The following DAPP1 variants were observed in gnomAD, a reference collection of about 807,000 sequenced individuals.
DAPP1 encodes the protein dual adapter for phosphotyrosine and 3-phosphotyrosine and 3-phosphoinositide.
DAPP1 carries 20 observed loss-of-function variants against 41.5 expected under a neutral mutation model. That is an observed-to-expected ratio of 0.48 (90% CI 0.34 to 0.70). The LOEUF (loss-of-function observed/expected upper bound fraction) is 0.70. Ranked by LOEUF, DAPP1 falls within the 30% of genes least tolerant of loss-of-function variation. DAPP1 has a pLI of 0.01. For missense variants in DAPP1, 233 were observed against 333.4 expected, an observed-to-expected ratio of 0.70 and a Z score of 2.35; for synonymous variants, 113 against 116.2, an observed-to-expected ratio of 0.97 and a Z score of 0.18.
At chr4:99,822,573 A>C (rs1455165777) in intron 1 of DAPP1, among the ~76,000 whole-genome samples, 8 of 152,178 alleles carry the variant, frequency 5.3e-5, no homozygotes, top group Non-Finnish European at 1.2e-4. Flanking sequence ...GATGGTAGCA[A>C]AATATGCAAG....
chr4:99,818,009 G>A (rs1272186041), intron 1 of DAPP1, among the ~76,000 whole-genome samples: 4 of 152,186 alleles, frequency 2.6e-5, no homozygotes, highest in East Asian at 1.9e-4. Flanking sequence ...GGCTATGTCC[G>A]AAACCAAAGA....
intron 7 of DAPP1, chr4:99,864,432 T>C (rs1021031687): frequency 6.6e-6 from 1 of 152,196 alleles, no homozygotes; most frequent in African/African-American, 2.4e-5. Flanking sequence ...TTTTTTTTTT[T>C]CCTGAACCAA....
chr4:99,857,698 A>G (rs1282531402), intron 4 of DAPP1, among the ~76,000 whole-genome samples: 1 of 134,790 alleles, frequency 7.4e-6, no homozygotes, highest in Non-Finnish European at 1.6e-5. Context: ...ATATGTATGT[A>G]TATACACACA....
chr4:99,834,888 T>A (rs1394977427), intron 1 of DAPP1, among the ~76,000 whole-genome samples: 1 of 152,164 alleles, frequency 6.6e-6, no homozygotes, highest in African/African-American at 2.4e-5. Flanking sequence ...GGCCTCTTCC[T>A]GTGGCTTGGA....
chr4:99,820,920 A>C (rs988916824), intron 1 of DAPP1, among the ~76,000 whole-genome samples: 1 of 152,236 alleles, frequency 6.6e-6, no homozygotes, highest in African/African-American at 2.4e-5. Flanking sequence ...CTCCCAGTCC[A>C]TACTAAAACA....
At chr4:99,860,359 A>C (rs1016448975) in intron 4 of DAPP1, among the ~76,000 whole-genome samples, 6 of 152,218 alleles carry the variant, frequency 3.9e-5, no homozygotes, top group Non-Finnish European at 5.9e-5. Context: ...ATTTACTCCT[A>C]GTTATTTTGC....
intron 4 of DAPP1, among the ~76,000 whole-genome samples, chr4:99,854,693 G>A (rs1032882063): frequency 4.6e-5 from 7 of 152,040 alleles, no homozygotes; most frequent in Non-Finnish European, 8.8e-5. Flanking sequence ...CTGAAATGCT[G>A]CCAACACCAT....
At chr4:99,870,861 A>G (rs1052760123), downstream of DAPP1, among the ~76,000 whole-genome samples, 1 of 152,176 alleles carries the variant, frequency 6.6e-6, no homozygotes, top group Non-Finnish European at 1.5e-5. Flanking sequence ...ATGGTTCCTG[A>G]CTTACAATGA....
At chr4:99,853,910 C>T (rs933302229) in intron 4 of DAPP1, among the ~76,000 whole-genome samples, 1 of 152,212 alleles carries the variant, frequency 6.6e-6, no homozygotes, top group Admixed American at 6.5e-5. Flanking sequence ...AACCAAACAA[C>T]TTCAAAGTAG....
intron 1 of DAPP1, 52 bp downstream of exon 1, chr4:99,817,066 G>A (rs72911129): frequency 8.9e-6 from 12 of 1,352,336 alleles, no homozygotes; most frequent in East Asian, 2.5e-5. Context: ...CATTGACTCC[G>A]CACTCCCACC....
Position 99,868,146 on chromosome 4 carries a change from G to T in DAPP1, c.804G>T (p.Gly268=). The part of the protein sequence containing the change: ...LSQIRKQLNQ[G]EGTIRSRSFI... The stretch of plus-strand genomic sequence containing the variant: ...AAATAAGAAAACAGCTCAACCAAGG[G>T]GAAGGCACGATCCGATCTCGGTCGT... Residue 268 remains glycine, a synonymous_variant, in exon 9 of 9, where the codon GGG becomes GGT. Coordinates refer to ENST00000512369, the MANE Select transcript of DAPP1 (RefSeq NM_014395.3). 6.2e-7 allele frequency: 1 copy of T among 1,613,854 alleles called. No homozygotes were observed. The highest frequency in any genetic ancestry group is 8.5e-7 in the Non-Finnish European group (1 of 1,179,854).
intron 8 of DAPP1, chr4:99,866,445 A>C (rs1355628087): frequency 1.4e-6 from 1 of 714,478 alleles, no homozygotes; most frequent in Non-Finnish European, 2.5e-6. Flanking sequence ...AGAAGGTCTG[A>C]CAGAGGAAAG....
intron 3 of DAPP1, among the ~76,000 whole-genome samples, chr4:99,848,286 G>A (rs1723738987): frequency 6.7e-6 from 1 of 150,080 alleles, no homozygotes; most frequent in South Asian, 2.1e-4. Context: ...GGAGTGCAGT[G>A]GCACGATCTC....
intron 7 of DAPP1, 75 bp downstream of exon 7, chr4:99,863,930 C>A: frequency 2.0e-6 from 2 of 984,158 alleles, no homozygotes; most frequent in Non-Finnish European, 3.1e-6. Context: ...GAATAGAAAG[C>A]TGTATATCTT....
rs779300065 is a variant in DAPP1, at chr4:99,863,086, T to C, written c.600+14T>C. On this transcript the variant is annotated intron_variant, in intron 6 of 8. Transcript: ENST00000512369. ...AAAGACCAGATGGTGAGAAACATGATAATATATTTTTCCTTTAAAAATCAA... is the reference window on the plus strand; with the variant it reads ...AAAGACCAGATGGTGAGAAACATGACAATATATTTTTCCTTTAAAAATCAA... 11 of 1,533,418 alleles carry C rather than the reference T, an allele frequency of 7.2e-6. No homozygotes were observed. Among genetic ancestry groups the C allele is most frequent in the Non-Finnish European group, 8.8e-7 (1 of 1,137,322 alleles). The allele number at this position is 1,533,418 out of a possible 1,614,324, so 95.0% of individuals were successfully genotyped here. A position where few individuals can be genotyped will look rare whatever the true frequency, so the allele number is the denominator to read the frequency against.
In DAPP1 at chr4:99,869,232, A is replaced by C. The variant is rs1410648301; in HGVS notation, c.*1047A>C. On this transcript the variant is annotated 3_prime_UTR_variant, in exon 9 of 9. Coordinates refer to ENST00000512369, the MANE Select transcript of DAPP1 (RefSeq NM_014395.3). ...GGGAGTAACACTAAAGCTACAAGAA[A>C]TATGTAATAATGATAGGTAATAATG... 2 of 152,210 alleles carry C rather than the reference A, an allele frequency of 1.3e-5. No homozygotes were observed. Among genetic ancestry groups the C allele is most frequent in the Non-Finnish European group, 1.5e-5 (1 of 68,038 alleles). The allele number at this position is 152,210 out of a possible 1,614,324, so 9.4% of individuals were successfully genotyped here. A position where few individuals can be genotyped will look rare whatever the true frequency, so the allele number is the denominator to read the frequency against.
intron 3 of DAPP1, among the ~76,000 whole-genome samples, chr4:99,846,194 A>T (rs1723658501): frequency 6.6e-6 from 1 of 152,208 alleles, no homozygotes; most frequent in South Asian, 2.1e-4. Flanking sequence ...ATTTCTTCAA[A>T]CTTTGATTTA....
downstream of DAPP1, among the ~76,000 whole-genome samples, chr4:99,870,351 G>GTATA (rs146375460): frequency 3.4e-5 from 5 of 146,590 alleles, no homozygotes; most frequent in African/African-American, 1.3e-4. Flanking sequence ...ATATATGCGT[G>GTATA]TATATATATA....
rs559392326 is a variant in DAPP1, at chr4:99,842,718, T to C, written c.358+2296T>C. 2.6e-5 allele frequency among the ~76,000 whole-genome samples: 4 copies of C among 152,374 alleles called. No individual in the cohort carries two copies. The South Asian group carries it at 8.3e-4, about 32-fold the overall frequency. On this transcript the variant is annotated intron_variant, in intron 3 of 8. Transcript: ENST00000512369. ...AAAGAATGGTGAATGGAAACTGACATGCCACCTTCTAAAAATAGGCCTTTT... is the reference window on the plus strand; with the variant it reads ...AAAGAATGGTGAATGGAAACTGACACGCCACCTTCTAAAAATAGGCCTTTT...
Sources: gnomAD v4.1 joint callset for allele counts (sites outside exome capture counted in the v4.1 genomes callset) on GRCh38, gnomAD v4.1.1 for gene constraint, MANE v1.5 for transcripts, NCBI Gene and HGNC (gene_info 2026-07-23, HGNC 2026-07-21) for gene names.